The following GMCL1 variants were observed in gnomAD, a reference collection of about 807,000 sequenced individuals.
GMCL1 encodes germ cell-less 1, spermatogenesis associated.
Under a neutral mutation model 75.5 loss-of-function variants are expected in GMCL1, and 54 were observed. The observed-to-expected ratio is 0.71, with a 90% CI of 0.57 to 0.90. The LOEUF (loss-of-function observed/expected upper bound fraction) is 0.90, where lower values mean the gene tolerates loss of function less well. GMCL1 is among the 40% of genes least tolerant of loss of function. The pLI is 0.00. For synonymous variants in GMCL1, 210 were observed against 209.6 expected, an observed-to-expected ratio of 1.00 and a Z score of -0.02; for missense variants, 537 against 622.7, an observed-to-expected ratio of 0.86 and a Z score of 1.47.
chr2:69,866,159 G>A (rs1272976882), intron 11 of GMCL1, among the ~76,000 whole-genome samples: 2 of 151,464 alleles, frequency 1.3e-5, no homozygotes, highest in Non-Finnish European at 2.9e-5. Flanking sequence ...TGAGGCAGGA[G>A]ATTGCTTGAA....
intron 10 of GMCL1, among the ~76,000 whole-genome samples, chr2:69,863,960 C>G (rs1675732137): frequency 6.6e-6 from 1 of 152,080 alleles, no homozygotes; most frequent in Non-Finnish European, 1.5e-5. Context: ...CACCTCCACC[C>G]CACCCAACAA....
At chr2:69,878,790 AGT>A in intron 13 of GMCL1, 117 bp from the exon 14 acceptor site, 1 of 740,982 alleles carries the variant, frequency 1.3e-6, no homozygotes. Flanking sequence ...GAGTTTGGAG[AGT>A]GGAGTTGTGG....
intron 1 of GMCL1, among the ~76,000 whole-genome samples, chr2:69,831,638 C>G (rs1345575299): frequency 6.6e-6 from 1 of 151,950 alleles, no homozygotes; most frequent in Non-Finnish European, 1.5e-5. Context: ...GACAGGGTCT[C>G]GCTGTGTCGC....
In GMCL1 at chr2:69,881,136, T is replaced by G. The variant is rs1415475749; in HGVS notation, c.*2132T>G. 6.6e-6 allele frequency: 1 copy of G among 152,232 alleles called. No individual in the cohort carries two copies. The highest frequency in any genetic ancestry group is 1.5e-5 in the Non-Finnish European group (1 of 68,040). 9.4% of individuals were successfully genotyped at this position (152,232 alleles called of 1,614,324 possible). ...TGGCCAAATTGGATTTATATGTGGT[T>G]TCATCCATTGGTTCTGTCCTGGCCA... On this transcript the variant is annotated 3_prime_UTR_variant, in exon 14 of 14. Transcript: ENST00000282570.
intron 9 of GMCL1, among the ~76,000 whole-genome samples, chr2:69,855,794 C>A (rs1189600028): frequency 6.6e-6 from 1 of 152,054 alleles, no homozygotes; most frequent in South Asian, 2.1e-4. Flanking sequence ...TATAGCAGTT[C>A]TATAATAGTT....
At chr2:69,875,181 C>G (rs1676095260) in intron 13 of GMCL1, among the ~76,000 whole-genome samples, 1 of 152,062 alleles carries the variant, frequency 6.6e-6, no homozygotes, top group Non-Finnish European at 1.5e-5. Context: ...ATATATTCTT[C>G]TGTTCTTTTT....
At chr2:69,864,632 G>GT (rs908830011) in intron 10 of GMCL1, among the ~76,000 whole-genome samples, 10 of 105,452 alleles carry the variant, frequency 9.5e-5, no homozygotes, top group Admixed American at 2.1e-4. Flanking sequence ...AATTTTTCAG[G>GT]TTTTTTTTCC....
chr2:69,871,032 A>C (rs1202970538), intron 12 of GMCL1, among the ~76,000 whole-genome samples: 1 of 152,222 alleles, frequency 6.6e-6, no homozygotes, highest in African/African-American at 2.4e-5. Flanking sequence ...ATAGACCAGA[A>C]GAATTGAAAA....
intron 1 of GMCL1, among the ~76,000 whole-genome samples, chr2:69,830,592 GGTAA>G (rs1044712851): frequency 1.3e-5 from 2 of 152,106 alleles, no homozygotes; most frequent in African/African-American, 4.8e-5. Flanking sequence ...CTCAGTGGAG[GGTAA>G]GTAATTGCAC....
chr2:69,850,756 A>G (rs551068056), intron 8 of GMCL1, among the ~76,000 whole-genome samples: 21 of 152,246 alleles, frequency 1.4e-4, no homozygotes, highest in Non-Finnish European at 2.4e-4. Flanking sequence ...CCATGGTACA[A>G]ATTTTCCCAT....
intron 8 of GMCL1, among the ~76,000 whole-genome samples, chr2:69,852,180 T>C (rs1221103121): frequency 6.6e-6 from 1 of 152,184 alleles, no homozygotes; most frequent in Non-Finnish European, 1.5e-5. Flanking sequence ...CAAATGTTGA[T>C]AGAACCTTAT....
In GMCL1 at chr2:69,829,814, G is replaced by A. The variant is rs9808176; in HGVS notation, c.-79G>A. ...GGCGGTGTAGGCACCTGCGCTCGGG[G>A]AAGGCTGGCGGCGGCGGCCGAGCCA... On this transcript the variant is annotated 5_prime_UTR_variant, in exon 1 of 14. Transcript: ENST00000282570. 0.013 allele frequency: 18,362 copies of A among 1,439,208 alleles called. 2,050 individuals are homozygous for A. In the African/African-American group the frequency reaches 0.24, roughly 19 times the overall value. 89.2% of individuals were successfully genotyped at this position (1,439,208 alleles called of 1,614,324 possible). A position where few individuals can be genotyped will look rare whatever the true frequency, so the allele number is the denominator to read the frequency against.
intron 11 of GMCL1, among the ~76,000 whole-genome samples, chr2:69,869,370 A>G (rs1393952552): frequency 2.7e-5 from 4 of 147,552 alleles, no homozygotes; most frequent in African/African-American, 7.5e-5. Flanking sequence ...GTGAGCCAAG[A>G]TCATGCCACT....
chr2:69,864,224 T>C (rs1328881456), intron 10 of GMCL1, among the ~76,000 whole-genome samples: 1 of 152,068 alleles, frequency 6.6e-6, no homozygotes, highest in Non-Finnish European at 1.5e-5. Context: ...TTATTATGTA[T>C]TATATATGCT....
intron 13 of GMCL1, among the ~76,000 whole-genome samples, chr2:69,876,141 G>A (rs1336676973): frequency 1.3e-5 from 2 of 152,112 alleles, no homozygotes; most frequent in Non-Finnish European, 2.9e-5. Flanking sequence ...AGAAGGTTCC[G>A]TCAGACAGCA....
Position 69,854,795 on chromosome 2 carries a change from G to C in GMCL1, c.935-28G>C. The stretch of plus-strand genomic sequence containing the variant: ...AAGAATAATAGGTTTGAAAAGAATG[G>C]CTGTTTAACTTACATGGTTTTTTAT... On this transcript the variant is annotated intron_variant, in intron 8 of 13. Transcript: ENST00000282570. The C allele has an allele frequency of 1.9e-6, 3 of 1,588,226 alleles. No homozygotes were observed. In the South Asian group the frequency reaches 3.4e-5, roughly 18 times the overall value.
chr2:69,858,058 C>A (rs1411010331), intron 9 of GMCL1, among the ~76,000 whole-genome samples: 1 of 152,086 alleles, frequency 6.6e-6, no homozygotes, highest in Non-Finnish European at 1.5e-5. Flanking sequence ...CTCATTTATT[C>A]CATTGGGAAA....
In GMCL1 at chr2:69,837,675, G is replaced by GTA; in HGVS notation, c.384+7_384+8dup. 1 of 1,592,832 alleles carries GTA rather than the reference G, an allele frequency of 6.3e-7. No individual in the cohort carries two copies. Among genetic ancestry groups the GTA allele is most frequent in the Non-Finnish European group, 8.5e-7 (1 of 1,174,250 alleles). On this transcript the variant is annotated splice_donor_region_variant and intron_variant, in intron 2 of 13. Transcript: ENST00000282570. ...CACAAAATATATTTATGTCAAGTAA[G>GTA]TATTTTTTCTATTTGAGTAACAGGG...
At chr2:69,833,336 C>A (rs1674727894) in intron 1 of GMCL1, among the ~76,000 whole-genome samples, 1 of 152,136 alleles carries the variant, frequency 6.6e-6, no homozygotes, top group Non-Finnish European at 1.5e-5. Flanking sequence ...TAAGACGGGC[C>A]AGGCGTGGTG....
Sources: allele counts gnomAD v4.1 joint callset (sites outside exome capture counted in the v4.1 genomes callset), GRCh38; gene constraint gnomAD v4.1.1; transcripts MANE v1.5; gene names NCBI Gene and HGNC (gene_info 2026-07-23, HGNC 2026-07-21).